The following FGFR3 variants were observed in gnomAD, a reference collection of about 807,000 sequenced individuals.
FGFR3 encodes the protein FGFR-3.
FGFR3 carries 25 observed loss-of-function variants against 82.9 expected under a neutral mutation model. The observed-to-expected ratio is 0.30, with a 90% CI of 0.22 to 0.42. The LOEUF (loss-of-function observed/expected upper bound fraction) is 0.42, where lower values mean the gene tolerates loss of function less well. Among genes scored for constraint, FGFR3 ranks in the 10% least tolerant of loss-of-function variants. The probability of loss-of-function intolerance (pLI) is 1.00; values close to 1 mark genes in which losing one functional copy is unlikely to be tolerated. For synonymous variants in FGFR3, 620 were observed against 516.0 expected, an observed-to-expected ratio of 1.20 and a Z score of -2.73; for missense variants, 1,026 against 1,161.0, an observed-to-expected ratio of 0.88 and a Z score of 1.69.
intron 7 of FGFR3, among the ~76,000 whole-genome samples, chr4:1,802,762 C>T (rs1030485039): frequency 7.2e-5 from 11 of 152,186 alleles, no homozygotes; most frequent in Non-Finnish European, 1.5e-5. Context: ...AAACCACAGC[C>T]ACCGTGAAGT....
chr4:1,796,341 T>C (rs1482633846), intron 2 of FGFR3, among the ~76,000 whole-genome samples: 1 of 152,154 alleles, frequency 6.6e-6, no homozygotes, highest in African/African-American at 2.4e-5. Context: ...ATCCCTTTTT[T>C]CCGGACTTTA....
chr4:1,794,473 C>T (rs1720228412), intron 2 of FGFR3, among the ~76,000 whole-genome samples: 2 of 152,228 alleles, frequency 1.3e-5, no homozygotes, highest in East Asian at 1.9e-4. Flanking sequence ...AGAGACCGGA[C>T]TTCTAAGGGT....
chr4:1,795,909 G>A (rs1363835504), intron 2 of FGFR3, among the ~76,000 whole-genome samples: 5 of 152,160 alleles, frequency 3.3e-5, no homozygotes, highest in Non-Finnish European at 5.9e-5. Context: ...CATTAACCTG[G>A]GCTGAGCCTG....
rs757605779 is a variant in FGFR3, at chr4:1,806,248, C to T, written c.1960-9C>T. ...CTGGCGCCAACACCGCCTTCCCACA[C>T]CCTCCCAGGGCCGGCTGCCCGTGAA... On this transcript the variant is annotated splice_polypyrimidine_tract_variant and intron_variant, in intron 14 of 17. Transcript: ENST00000440486. The T allele has an allele frequency of 1.1e-5, 18 of 1,612,876 alleles. No individual in the cohort carries two copies. In the African/African-American group the frequency reaches 2.4e-4, roughly 22 times the overall value.
chr4:1,796,796 C>G (rs1225834269), intron 2 of FGFR3, among the ~76,000 whole-genome samples: 12 of 152,302 alleles, frequency 7.9e-5, no homozygotes, highest in Non-Finnish European at 1.5e-5. Context: ...CGCCTCTCAC[C>G]CCTACCCTCA....
At position 1,806,836 on chromosome 4, in the gene FGFR3, A is replaced by G. The variant is rs17880763; in HGVS notation, c.2176A>G (p.Ile726Val). The G allele has an allele frequency of 6.2e-7, 1 of 1,607,554 alleles. No homozygotes were observed. Among genetic ancestry groups the G allele is most frequent in the Non-Finnish European group, 8.5e-7 (1 of 1,177,888 alleles). Residue 726 changes from isoleucine (I) to valine (V), a missense_variant, in exon 17 of 18, where the codon ATC becomes GTC. This residue lies in a region of FGFR3 where 155 missense variants were observed against 150.2 expected (regional missense o/e 1.03). Transcript: ENST00000440486. ...TGAGCGCCCTGCCCGCAGGTACATG[A>G]TCATGCGGGAGTGCTGGCATGCCGC... ...PANCTHDLYM[I>V]MRECWHAAPS...
chr4:1,794,909 G>C (rs3135842), intron 2 of FGFR3, among the ~76,000 whole-genome samples: 59,878 of 151,282 alleles, frequency 0.4, 14,489 homozygotes, highest in African/African-American at 0.69. Flanking sequence ...CACCCGGGCC[G>C]AGGCCCGAAC....
In FGFR3 at chr4:1,805,665, G is replaced by A. The variant is rs1360262347; in HGVS notation, c.1641G>A (p.Gln547=). Residue 547 remains glutamine (Q), a synonymous_variant, in exon 12 of 18, where the codon CAG becomes CAA. Transcript: ENST00000440486. ...TCAACCTGCTGGGCGCCTGCACGCA[G>A]GGCGGTAGGTGCGGTAGCGGCGGTG... ...NIINLLGACT[Q]GGPLYVLVEY... The A allele has an allele frequency of 6.2e-7, 1 of 1,612,892 alleles. No homozygotes were observed. Among genetic ancestry groups the A allele is most frequent in the Non-Finnish European group, 8.5e-7 (1 of 1,179,618 alleles).
intron 2 of FGFR3, among the ~76,000 whole-genome samples, chr4:1,794,434 C>T (rs993676076): frequency 2.0e-5 from 3 of 152,328 alleles, no homozygotes; most frequent in African/African-American, 7.2e-5. Flanking sequence ...CCCCCGGGCC[C>T]CAGTTTGTGG....
intron 2 of FGFR3, 28 bp from the exon 3 acceptor site, chr4:1,799,226 G>C: frequency 6.2e-7 from 1 of 1,611,600 alleles, no homozygotes; most frequent in Non-Finnish European, 8.5e-7. Flanking sequence ...GGGGGTGCCT[G>C]CCTCATGGTT....
chr4:1,797,127 T>C (rs984320037), intron 2 of FGFR3, among the ~76,000 whole-genome samples: 1 of 152,174 alleles, frequency 6.6e-6, no homozygotes, highest in Non-Finnish European at 1.5e-5. Flanking sequence ...CCAGTGTCTG[T>C]GTGGTGTCAG....
rs762781471 is a variant in FGFR3, at chr4:1,805,654, G to T, written c.1630G>T (p.Ala544Ser). The change falls in exon 12 of 18, where the codon GCC (alanine) becomes TCC (serine). Residue 544 changes from alanine (A) to serine (S), a missense_variant. By Grantham distance (99) the Ala-to-Ser change is moderately conservative (BLOSUM62 1). This residue lies in a region of FGFR3 where 164 missense variants were observed against 167.5 expected (regional missense o/e 0.98). Coordinates refer to ENST00000440486, the MANE Select transcript of FGFR3 (RefSeq NM_000142.5). The stretch of plus-strand genomic sequence containing the variant: ...CAAAAACATCATCAACCTGCTGGGC[G>T]CCTGCACGCAGGGCGGTAGGTGCGG... ...KHKNIINLLG[A>S]CTQGGPLYVL... 1 of 1,613,090 alleles carries T rather than the reference G, an allele frequency of 6.2e-7. No individual in the cohort carries two copies. Among genetic ancestry groups the T allele is most frequent in the Non-Finnish European group, 8.5e-7 (1 of 1,179,692 alleles).
At chr4:1,795,099 C>T (rs1230296829) in intron 2 of FGFR3, among the ~76,000 whole-genome samples, 2 of 151,488 alleles carry the variant, frequency 1.3e-5, no homozygotes, top group African/African-American at 2.4e-5. Context: ...GCGGCTGCAG[C>T]CTCCCGGAAC....
At chr4:1,794,134 C>A in intron 2 of FGFR3, 91 bp downstream of exon 2, 1 of 659,148 alleles carries the variant, frequency 1.5e-6, no homozygotes, top group Non-Finnish European at 2.2e-6. Flanking sequence ...GAGGGGCCGC[C>A]GGGTGTGAGT....
At position 1,807,371 on chromosome 4, in the gene FGFR3, C is replaced by G. The variant is rs1194864485; in HGVS notation, c.*109C>G. The G allele has an allele frequency of 1.4e-6, 2 of 1,452,158 alleles. No individual in the cohort carries two copies. Among genetic ancestry groups the G allele is most frequent in the East Asian group, 2.5e-5 (1 of 40,378 alleles). 90.0% of individuals were successfully genotyped at this position (1,452,158 alleles called of 1,614,324 possible). A position where few individuals can be genotyped will look rare whatever the true frequency, so the allele number is the denominator to read the frequency against. ...CAGTGCAGATGGAGAGACAGCTACACAGAGCTTTGGTCTGTGTGTGTGTGT... is the reference window on the plus strand; with the variant it reads ...CAGTGCAGATGGAGAGACAGCTACAGAGAGCTTTGGTCTGTGTGTGTGTGT... On this transcript the variant is annotated 3_prime_UTR_variant, in exon 18 of 18. Transcript: ENST00000440486.
chr4:1,798,533 C>G (rs1327898365), intron 2 of FGFR3, among the ~76,000 whole-genome samples: 1 of 151,938 alleles, frequency 6.6e-6, no homozygotes, highest in Non-Finnish European at 1.5e-5. Context: ...CCAAGGAGCC[C>G]CCACCCCCGC....
In FGFR3 at chr4:1,806,919, C is replaced by T. The variant is rs146662137; in HGVS notation, c.2259C>T (p.Thr753=). Residue 753 remains threonine, a synonymous_variant, in exon 17 of 18, where the codon ACC becomes ACT. Transcript: ENST00000440486. ...QLVEDLDRVL[T]VTSTDEYLDL... ...TGGAGGACCTGGACCGTGTCCTTAC[C>T]GTGACGTCCACCGACGTGAGTGCTG... 1.1e-4 allele frequency: 179 copies of T among 1,609,292 alleles called. No individual in the cohort carries two copies. The highest frequency in any genetic ancestry group is 4.4e-4 in the African/African-American group (33 of 74,942).
At chr4:1,800,947 C>T (rs1486025500) in intron 4 of FGFR3, among the ~76,000 whole-genome samples, 1 of 152,144 alleles carries the variant, frequency 6.6e-6, no homozygotes, top group Non-Finnish European at 1.5e-5. Context: ...CCAGCTGCCT[C>T]CAAGGCTCCT....
intron 3 of FGFR3, 96 bp downstream of exon 3, chr4:1,799,619 C>T (rs577613593): frequency 1.3e-6 from 2 of 1,549,496 alleles, no homozygotes; most frequent in African/African-American, 1.4e-5. Context: ...TCTCTCTGGT[C>T]ATTGGTGGAG....
Sources: gnomAD v4.1 joint callset for allele counts (sites outside exome capture counted in the v4.1 genomes callset) on GRCh38, gnomAD v4.1.1 for gene constraint, gnomAD v4.1.1 regional missense constraint, MANE v1.5 for transcripts, NCBI Gene and HGNC (gene_info 2026-07-23, HGNC 2026-07-21) for gene names.